Variants in ADCY2 observed in about 807,000 individuals in gnomAD.
ADCY2 encodes adenylate cyclase 2, also known as adenylate cyclase type 2.
A neutral mutation model predicts 125.2 loss-of-function variants in ADCY2; 31 were observed. That is an observed-to-expected ratio of 0.25 (90% confidence interval 0.19 to 0.33). ADCY2 has a LOEUF of 0.33. ADCY2 is among the 10% of genes least tolerant of loss of function. The pLI is 1.00. For synonymous variants in ADCY2, 512 were observed against 548.4 expected, an observed-to-expected ratio of 0.93 and a Z score of 0.93; for missense variants, 904 against 1,418.2, an observed-to-expected ratio of 0.64 and a Z score of 5.82.
chr5:7,602,187 CAAGT>C (rs890401951), intron 3 of ADCY2, among the ~76,000 whole-genome samples: 3 of 152,108 alleles, frequency 2.0e-5, no homozygotes, highest in Non-Finnish European at 2.9e-5. Context: ...CAATTTTTTC[CAAGT>C]AAGGTCACAT....
chr5:7,671,677 GT>G (rs1308256124), intron 4 of ADCY2, among the ~76,000 whole-genome samples: 1 of 152,080 alleles, frequency 6.6e-6, no homozygotes, highest in Non-Finnish European at 1.5e-5. Context: ...CAAATTACTG[GT>G]TGCCACCGTA....
intron 1 of ADCY2, among the ~76,000 whole-genome samples, chr5:7,413,643 A>G (rs1042592064): frequency 6.6e-6 from 1 of 151,524 alleles, no homozygotes; most frequent in Non-Finnish European, 1.5e-5. Flanking sequence ...TCTGTTAACT[A>G]CACATGTTTG....
At chr5:7,560,728 ACC>A (rs1305831114) in intron 3 of ADCY2, among the ~76,000 whole-genome samples, 1 of 151,924 alleles carries the variant, frequency 6.6e-6, no homozygotes, top group East Asian at 1.9e-4. Flanking sequence ...TTGCTCTGTC[ACC>A]CAGGCTGGAG....
At position 7,539,977 on chromosome 5, in the gene ADCY2, C is replaced by T. The variant is rs1500273; in HGVS notation, c.570+19078C>T. On this transcript the variant is annotated intron_variant, in intron 3 of 24. Coordinates refer to ENST00000338316, the MANE Select transcript of ADCY2 (RefSeq NM_020546.3). ...ACACAGTTAATTATTGTTTCAAAAACTTATAATATGCAACTTCCAAAACAA... is the reference window on the plus strand; with the variant it reads ...ACACAGTTAATTATTGTTTCAAAAATTTATAATATGCAACTTCCAAAACAA... Among the ~76,000 whole-genome samples the T allele has an allele frequency of 1.8e-3, 281 of 152,296 alleles. 1 individual carries two copies. Among genetic ancestry groups the T allele is most frequent in the East Asian group, 0.011 (59 of 5,186 alleles).
intron 3 of ADCY2, among the ~76,000 whole-genome samples, chr5:7,549,848 A>G (rs559331022): frequency 1.1e-4 from 17 of 152,306 alleles, no homozygotes; most frequent in Non-Finnish European, 1.8e-4. Context: ...TTCTCCAGCC[A>G]CTATCCACAG....
At chr5:7,720,575 T>A (rs1741727554) in intron 12 of ADCY2, among the ~76,000 whole-genome samples, 1 of 147,888 alleles carries the variant, frequency 6.8e-6, no homozygotes, top group African/African-American at 2.5e-5. Flanking sequence ...GGCTCTGTTG[T>A]TTGATGTTCC....
chr5:7,776,846 G>A (rs1222331194), intron 18 of ADCY2, among the ~76,000 whole-genome samples: 2 of 152,110 alleles, frequency 1.3e-5, no homozygotes, highest in East Asian at 3.9e-4. Flanking sequence ...AACATCAAAG[G>A]TTCTTTGGCC....
intron 4 of ADCY2, among the ~76,000 whole-genome samples, chr5:7,631,457 C>T (rs1738308351): frequency 6.6e-6 from 1 of 152,192 alleles, no homozygotes; most frequent in Non-Finnish European, 1.5e-5. Context: ...GTAAGTGTAA[C>T]TTCCAGGGCC....
At chr5:7,818,991 G>A (rs527610739) in intron 23 of ADCY2, among the ~76,000 whole-genome samples, 12 of 152,294 alleles carry the variant, frequency 7.9e-5, no homozygotes, top group African/African-American at 2.9e-4. Context: ...CCGTCTGCAA[G>A]CCGAGGAGCA....
intron 3 of ADCY2, among the ~76,000 whole-genome samples, chr5:7,539,448 G>A (rs1322268486): frequency 6.6e-6 from 1 of 152,052 alleles, no homozygotes; most frequent in Non-Finnish European, 1.5e-5. Flanking sequence ...ACAGTTTGCA[G>A]ACAGTAACTG....
chr5:7,681,231 TC>T (rs2126714611), intron 4 of ADCY2, among the ~76,000 whole-genome samples: 1 of 152,348 alleles, frequency 6.6e-6, no homozygotes, highest in East Asian at 1.9e-4. Context: ...CTTTCTTTCT[TC>T]ACTTATTATT....
intron 10 of ADCY2, among the ~76,000 whole-genome samples, chr5:7,711,553 T>C (rs1432964426): frequency 6.6e-6 from 1 of 152,174 alleles, no homozygotes; most frequent in East Asian, 1.9e-4. Context: ...TTGTTGTTGT[T>C]TATTTCTTAT....
intron 2 of ADCY2, among the ~76,000 whole-genome samples, chr5:7,515,856 A>T (rs890520118): frequency 9.9e-5 from 15 of 152,198 alleles, no homozygotes; most frequent in African/African-American, 3.1e-4. Flanking sequence ...GAGAAAATTA[A>T]CAAATAAATG....
chr5:7,654,258 A>G, intron 4 of ADCY2: 1 of 424,796 alleles, frequency 2.4e-6, no homozygotes, highest in South Asian at 1.7e-5. Flanking sequence ...GAAGAAGGCA[A>G]TGGCCTGTGT....
At chr5:7,821,848 C>T (rs751741178) in intron 24 of ADCY2, among the ~76,000 whole-genome samples, 10 of 152,132 alleles carry the variant, frequency 6.6e-5, no homozygotes, top group Admixed American at 6.5e-5. Flanking sequence ...TTCAAGGCTG[C>T]GTTCAAGAAT....
In ADCY2 at chr5:7,757,591, G is replaced by T. The variant is rs1560953817; in HGVS notation, c.2094+5G>T. The stretch of plus-strand genomic sequence containing the variant: ...ATGATGGCCGTGTTCAACATGGTAA[G>T]TCCCAGAGCACGGCCGTGTTCAACA... On this transcript the variant is annotated splice_donor_5th_base_variant and intron_variant, in intron 16 of 24. Transcript: ENST00000338316. 11 of 1,565,434 alleles carry T rather than the reference G, an allele frequency of 7.0e-6. 3 individuals are homozygous for T. Among genetic ancestry groups the T allele is most frequent in the Non-Finnish European group, 1.7e-6 (2 of 1,144,132 alleles).
intron 24 of ADCY2, among the ~76,000 whole-genome samples, chr5:7,825,191 G>C (rs551971211): frequency 6.6e-6 from 1 of 152,006 alleles, no homozygotes; most frequent in African/African-American, 2.4e-5. Flanking sequence ...CCACGACAAC[G>C]CTGCTGTGCG....
intron 19 of ADCY2, among the ~76,000 whole-genome samples, chr5:7,788,248 C>T (rs1744142207): frequency 6.6e-6 from 1 of 152,212 alleles, no homozygotes. Context: ...GGCTCAATCT[C>T]TGCTCCCTGC....
intron 8 of ADCY2, 114 bp downstream of exon 8, chr5:7,707,016 G>C: frequency 7.2e-7 from 1 of 1,382,858 alleles, no homozygotes; most frequent in East Asian, 2.4e-5. Context: ...GCCTCTGTTG[G>C]TATCATGTTA....
Sources: gnomAD v4.1 joint callset for allele counts (sites outside exome capture counted in the v4.1 genomes callset) on GRCh38, gnomAD v4.1.1 for gene constraint, MANE v1.5 for transcripts, NCBI Gene and HGNC (gene_info 2026-07-23, HGNC 2026-07-21) for gene names.